CD247: variants seen among roughly 807,000 people sequenced by gnomAD.
CD247 encodes the protein T-cell surface glycoprotein CD3 zeta chain.
In CD247, 13 loss-of-function variants were observed where a neutral mutation model predicts 30.0. The ratio of observed to expected loss-of-function variants is 0.43; its 90% CI spans 0.28 to 0.69. CD247 has a LOEUF of 0.69. Among genes scored for constraint, CD247 ranks in the 30% least tolerant of loss-of-function variants. The probability of loss-of-function intolerance (pLI) is 0.16; values close to 1 mark genes in which losing one functional copy is unlikely to be tolerated. For missense variants in CD247, 193 were observed against 212.6 expected (o/e 0.91, Z 0.57); for synonymous variants, 72 against 80.0 (o/e 0.90, Z 0.53).
intron 1 of CD247, among the ~76,000 whole-genome samples, chr1:167,461,528 T>A (rs1653004870): frequency 6.6e-6 from 1 of 152,222 alleles, no homozygotes; most frequent in Non-Finnish European, 1.5e-5. Flanking sequence ...AGTTCCATAG[T>A]GTATAAGAAT....
At chr1:167,470,893 A>G (rs1235730264) in intron 1 of CD247, among the ~76,000 whole-genome samples, 2 of 134,076 alleles carry the variant, frequency 1.5e-5, no homozygotes, top group African/African-American at 5.7e-5. Flanking sequence ...TTTTTTTGAG[A>G]TGGAGTCTCA....
chr1:167,496,242 A>T (rs1433173495), intron 1 of CD247, among the ~76,000 whole-genome samples: 1 of 152,236 alleles, frequency 6.6e-6, no homozygotes, highest in African/African-American at 2.4e-5. Flanking sequence ...GCAGGTAGTG[A>T]GTTGCTCATC....
chr1:167,440,986 G>A (rs1418620410), intron 1 of CD247, among the ~76,000 whole-genome samples: 1 of 152,206 alleles, frequency 6.6e-6, no homozygotes, highest in Non-Finnish European at 1.5e-5. Context: ...GGCCGCTGTG[G>A]GGCCAAAGAA....
chr1:167,479,336 T>A (rs1333163365), intron 1 of CD247, among the ~76,000 whole-genome samples: 1 of 151,990 alleles, frequency 6.6e-6, no homozygotes, highest in African/African-American at 2.4e-5. Flanking sequence ...CGGGGAGGAG[T>A]GGGATTAATT....
intron 1 of CD247, among the ~76,000 whole-genome samples, chr1:167,514,378 A>G (rs969071550): frequency 1.2e-4 from 19 of 152,104 alleles, no homozygotes; most frequent in African/African-American, 4.1e-4. Flanking sequence ...ACCTCAGGTG[A>G]TCCACCCGTC....
intron 1 of CD247, among the ~76,000 whole-genome samples, chr1:167,507,815 G>A (rs1486247602): frequency 1.3e-5 from 2 of 148,348 alleles, no homozygotes; most frequent in African/African-American, 2.5e-5. Flanking sequence ...CAGCCTGAGT[G>A]AAGAAGGGAG....
chr1:167,443,331 T>C (rs1210570083), intron 1 of CD247, among the ~76,000 whole-genome samples: 1 of 152,176 alleles, frequency 6.6e-6, no homozygotes, highest in Non-Finnish European at 1.5e-5. Context: ...ACTTCAGTGA[T>C]GAGGAAGATG....
At chr1:167,516,583 C>T (rs180724581) in intron 1 of CD247, among the ~76,000 whole-genome samples, 104 of 152,354 alleles carry the variant, frequency 6.8e-4, no homozygotes, top group African/African-American at 2.3e-3. Flanking sequence ...AAAGCACCAT[C>T]GCAGCCCTCG....
chr1:167,500,646 C>T (rs115611400), intron 1 of CD247, among the ~76,000 whole-genome samples: 1,935 of 152,234 alleles, frequency 0.013, 11 homozygotes, highest in Middle Eastern at 0.048. Flanking sequence ...AAATGAGCTA[C>T]GTATTGTGAT....
intron 1 of CD247, among the ~76,000 whole-genome samples, chr1:167,516,636 C>T (rs1655616161): frequency 1.3e-5 from 2 of 152,178 alleles, no homozygotes; most frequent in African/African-American, 4.8e-5. Context: ...TACCGTACCT[C>T]GTTTCTGGGC....
chr1:167,454,863 C>T (rs1419808677), intron 1 of CD247, among the ~76,000 whole-genome samples: 1 of 152,240 alleles, frequency 6.6e-6, no homozygotes, highest in Non-Finnish European at 1.5e-5. Context: ...GCACCTGCCT[C>T]GCTCGCTGGT....
intron 1 of CD247, among the ~76,000 whole-genome samples, chr1:167,515,410 T>C (rs764528404): frequency 1.8e-4 from 28 of 152,194 alleles, no homozygotes; most frequent in Non-Finnish European, 3.5e-4. Context: ...ATGAGCCTTA[T>C]CTAAGATAGC....
intron 1 of CD247, among the ~76,000 whole-genome samples, chr1:167,480,769 C>T (rs769889037): frequency 6.6e-5 from 10 of 152,092 alleles, no homozygotes; most frequent in Non-Finnish European, 1.2e-4. Flanking sequence ...CAGTTGAAAG[C>T]ATTTTTATAA....
intron 1 of CD247, among the ~76,000 whole-genome samples, chr1:167,518,173 C>T (rs924749409): frequency 3.3e-5 from 5 of 152,080 alleles, no homozygotes; most frequent in African/African-American, 4.8e-5. Context: ...AAATCTGTAC[C>T]TGGAGGAGCT....
chr1:167,434,394 G>A (rs2101987018), intron 5 of CD247: 3 of 433,890 alleles, frequency 6.9e-6, no homozygotes, highest in Middle Eastern at 1.4e-3. Flanking sequence ...CAAAACAAGG[G>A]CTCACCTGGA....
chr1:167,445,082 T>A (rs1652006293), intron 1 of CD247, among the ~76,000 whole-genome samples: 1 of 152,080 alleles, frequency 6.6e-6, no homozygotes, highest in South Asian at 2.1e-4. Flanking sequence ...CACACCACGA[T>A]GCCCTGCTAA....
chr1:167,515,651 T>C lies in CD247; in HGVS notation c.58+2757A>G, dbSNP rs2982479. On this transcript the variant is annotated intron_variant, in intron 1 of 7. Transcript: ENST00000362089. ...ATGACCAGCCAGAGCTTTGCTGCTT[T>C]TTCACTATCGGGCCTACCTCTGCAA... Among the ~76,000 whole-genome samples the C allele has an allele frequency of 2.6e-5, 4 of 152,162 alleles. No homozygotes were observed. In the South Asian group the frequency reaches 8.3e-4, roughly 31 times the overall value.
At chr1:167,471,757 T>C (rs1325630436) in intron 1 of CD247, among the ~76,000 whole-genome samples, 1 of 151,786 alleles carries the variant, frequency 6.6e-6, no homozygotes, top group Non-Finnish European at 1.5e-5. Flanking sequence ...CATGAGCCAC[T>C]ACACTCGGCT....
At chr1:167,477,764 A>G (rs1653811919) in intron 1 of CD247, among the ~76,000 whole-genome samples, 1 of 152,184 alleles carries the variant, frequency 6.6e-6, no homozygotes, top group Admixed American at 6.5e-5. Flanking sequence ...CCTGGCTTCA[A>G]GCAATTCCCC....
Sources: gnomAD v4.1 joint callset for allele counts (sites outside exome capture counted in the v4.1 genomes callset) on GRCh38, gnomAD v4.1.1 for gene constraint, MANE v1.5 for transcripts, NCBI Gene and HGNC (gene_info 2026-07-23, HGNC 2026-07-21) for gene names.